RBM47: variants seen among roughly 807,000 people sequenced by gnomAD.
RBM47 encodes the protein RNA binding motif protein 47.
RBM47 carries 21 observed loss-of-function variants against 47.1 expected under a neutral mutation model. That is an observed-to-expected ratio of 0.45 (90% CI 0.32 to 0.64). The LOEUF (loss-of-function observed/expected upper bound fraction) is 0.64, where lower values mean the gene tolerates loss of function less well. RBM47 is among the 30% of genes least tolerant of loss of function. The pLI, the probability that RBM47 is intolerant of heterozygous loss-of-function variation, is 0.05. For missense variants in RBM47, 708 were observed against 870.9 expected (o/e 0.81, Z 2.35); for synonymous variants, 375 against 361.7 (o/e 1.04, Z -0.42).
At chr4:40,426,205 T>C in intron 6 of RBM47, 62 bp from the exon 7 acceptor site, 1 of 1,556,480 alleles carries the variant, frequency 6.4e-7, no homozygotes, top group Admixed American at 1.8e-5. Context: ...CATCCATTCA[T>C]TCAACAAGCC....
intron 1 of RBM47, among the ~76,000 whole-genome samples, chr4:40,621,422 G>A (rs972185491): frequency 1.3e-5 from 2 of 152,172 alleles, no homozygotes; most frequent in Admixed American, 6.5e-5. Flanking sequence ...GCAAGATCAA[G>A]TATTTGTACA....
chr4:40,571,798 C>T (rs1387793496), intron 1 of RBM47, among the ~76,000 whole-genome samples: 1 of 151,404 alleles, frequency 6.6e-6, no homozygotes, highest in African/African-American at 2.4e-5. Flanking sequence ...GGCAGGCGGT[C>T]ACTTGAGGTC....
chr4:40,430,636 C>T (rs539134998), intron 6 of RBM47, among the ~76,000 whole-genome samples: 1 of 152,262 alleles, frequency 6.6e-6, no homozygotes, highest in Non-Finnish European at 1.5e-5. Context: ...GACTAGTGTT[C>T]AGAGTGGGCA....
At chr4:40,598,186 A>C (rs1360175476) in intron 1 of RBM47, among the ~76,000 whole-genome samples, 2 of 152,218 alleles carry the variant, frequency 1.3e-5, no homozygotes, top group East Asian at 3.8e-4. Flanking sequence ...CGCAATGTCT[A>C]ATGGGAAATA....
At chr4:40,573,807 A>AAAAGAGAAAGAAAGAAAG (rs1553903541) in intron 1 of RBM47, among the ~76,000 whole-genome samples, 15 of 136,662 alleles carry the variant, frequency 1.1e-4, no homozygotes, top group Non-Finnish European at 2.0e-4. Flanking sequence ...GAAAGAAAGA[A>AAAAGAGAAAGAAAGAAAG]AAAGAAAGAA....
intron 2 of RBM47, among the ~76,000 whole-genome samples, chr4:40,488,670 G>A (rs1721457205): frequency 6.6e-6 from 1 of 152,168 alleles, no homozygotes; most frequent in Non-Finnish European, 1.5e-5. Context: ...ACATACAGGA[G>A]AGTTCATAGA....
rs987123370 is a variant in RBM47 at position 40,614,620 on chromosome 4, G to C, written c.-240+14776C>G. Among the ~76,000 whole-genome samples, 3 of 151,186 alleles carry C rather than the reference G, an allele frequency of 2.0e-5. No individual in the cohort carries two copies. In the South Asian group the frequency reaches 6.3e-4, roughly 32 times the overall value. On this transcript the variant is annotated intron_variant, in intron 1 of 6. Transcript: ENST00000295971. ...AGGCCAAAGGGGTAGGAACGCTTGA[G>C]CCCAGAAGTTTGAGACAAACCTGGG...
At chr4:40,594,779 C>T (rs980633079) in intron 1 of RBM47, among the ~76,000 whole-genome samples, 1 of 152,196 alleles carries the variant, frequency 6.6e-6, no homozygotes, top group Non-Finnish European at 1.5e-5. Flanking sequence ...CTCCTTTCCA[C>T]TCCAATTTCT....
intron 3 of RBM47, among the ~76,000 whole-genome samples, chr4:40,440,654 G>A (rs1173235623): frequency 2.0e-5 from 3 of 152,198 alleles, no homozygotes; most frequent in Admixed American, 2.0e-4. Context: ...TAGCAGGTAA[G>A]TATGTGGCTT....
At chr4:40,624,301 T>C (rs1560511909) in intron 1 of RBM47, among the ~76,000 whole-genome samples, 2 of 152,212 alleles carry the variant, frequency 1.3e-5, no homozygotes, top group Non-Finnish European at 2.9e-5. Context: ...CAGCCCATGC[T>C]CCTAGCCACT....
rs1486382152 is a variant in RBM47, at chr4:40,512,023, G to A, written c.-155+32399C>T. On this transcript the variant is annotated intron_variant, in intron 2 of 6. Transcript: ENST00000295971. ...TTCCTAGTGAAATAAAGGGAAACAA[G>A]GAATGACAAGTGTCTAGAAATGGTT... Among the ~76,000 whole-genome samples, 3 of 152,106 alleles carry A rather than the reference G, an allele frequency of 2.0e-5. 1 individual carries two copies. Among genetic ancestry groups the A allele is most frequent in the Non-Finnish European group, 4.4e-5 (3 of 68,022 alleles).
At chr4:40,559,970 T>TTA (rs533345666) in intron 1 of RBM47, among the ~76,000 whole-genome samples, 293 of 152,334 alleles carry the variant, frequency 1.9e-3, no homozygotes, top group African/African-American at 6.8e-3. Flanking sequence ...CAGATAGCTG[T>TTA]TAGAGAGATT....
intron 1 of RBM47, among the ~76,000 whole-genome samples, chr4:40,608,246 CATGTT>C (rs1316634888): frequency 2.0e-5 from 3 of 152,280 alleles, no homozygotes; most frequent in Non-Finnish European, 4.4e-5. Context: ...TATCACATGC[CATGTT>C]ATAGTACAGT....
At chr4:40,507,808 C>G (rs1334707541) in intron 2 of RBM47, among the ~76,000 whole-genome samples, 3 of 151,578 alleles carry the variant, frequency 2.0e-5, no homozygotes, top group African/African-American at 7.3e-5. Context: ...CAGAGCAAGT[C>G]TTATTTTTAA....
At chr4:40,493,784 A>G (rs1722216366) in intron 2 of RBM47, among the ~76,000 whole-genome samples, 1 of 149,666 alleles carries the variant, frequency 6.7e-6, no homozygotes, top group Non-Finnish European at 1.5e-5. Flanking sequence ...AAAAAAAAAA[A>G]AAAAATTAGA....
intron 1 of RBM47, among the ~76,000 whole-genome samples, chr4:40,570,475 C>G (rs962781945): frequency 4.0e-5 from 6 of 151,816 alleles, no homozygotes; most frequent in Non-Finnish European, 4.4e-5. Context: ...CACTGATCTG[C>G]GAGGAATCAG....
rs1008155335 is a variant in RBM47, at chr4:40,429,835, T to C, written c.1542+2816A>G. Reference sequence around the variant, plus strand: ...TAAATTGGCTAAATAGGAACACCCCTGAGCGCCTACAAGGTAGGGGAGGAT... The same window carrying C: ...TAAATTGGCTAAATAGGAACACCCCCGAGCGCCTACAAGGTAGGGGAGGAT... On this transcript the variant is annotated intron_variant, in intron 6 of 6. Coordinates refer to ENST00000295971, the MANE Select transcript of RBM47 (RefSeq NM_001098634.2). Among the ~76,000 whole-genome samples the C allele has an allele frequency of 2.0e-5, 3 of 151,648 alleles. No homozygotes were observed. In the East Asian group the frequency reaches 5.8e-4, roughly 29 times the overall value.
intron 3 of RBM47, among the ~76,000 whole-genome samples, chr4:40,458,988 T>G (rs2154224637): frequency 6.6e-6 from 1 of 152,328 alleles, no homozygotes; most frequent in Admixed American, 6.5e-5. Flanking sequence ...TTTATCAATT[T>G]CATTTGTTTC....
At chr4:40,615,501 C>T (rs2154280125) in intron 1 of RBM47, among the ~76,000 whole-genome samples, 1 of 152,190 alleles carries the variant, frequency 6.6e-6, no homozygotes, top group Middle Eastern at 3.4e-3. Flanking sequence ...CAGAATTTAG[C>T]CAGATATGGT....
Sources: allele counts gnomAD v4.1 joint callset (sites outside exome capture counted in the v4.1 genomes callset), GRCh38; gene constraint gnomAD v4.1.1; transcripts MANE v1.5; gene names NCBI Gene and HGNC (gene_info 2026-07-23, HGNC 2026-07-21).